The following NEK5 variants were observed in gnomAD, a reference collection of about 807,000 sequenced individuals.
The protein encoded by NEK5 is serine/threonine-protein kinase Nek5.
NEK5 carries 88 observed loss-of-function variants against 109.2 expected under a neutral mutation model. The observed-to-expected ratio is 0.81, with a 90% CI of 0.68 to 0.96. NEK5 has a LOEUF of 0.96. NEK5 is among the 40% of genes least tolerant of loss of function. The pLI is 0.00. For synonymous variants in NEK5, 283 were observed against 299.9 expected (o/e 0.94, Z 0.58); for missense variants, 834 against 920.7 (o/e 0.91, Z 1.22).
At chr13:52,110,705 G>A (rs2138063624) in intron 5 of NEK5, 128 bp from the exon 6 acceptor site, 1 of 538,068 alleles carries the variant, frequency 1.9e-6, no homozygotes, top group South Asian at 3.2e-5. Flanking sequence ...TAGTGTATGT[G>A]TATTTATAGG....
At position 52,075,755 on chromosome 13, in the gene NEK5, T is replaced by C. The variant is rs1473016375; in HGVS notation, c.1722+3A>G. The C allele has an allele frequency of 3.3e-6, 5 of 1,537,458 alleles. No individual in the cohort carries two copies. In the African/African-American group the frequency reaches 4.2e-5, roughly 13 times the overall value. ...TAATGGAAATTTAGACTTAATGGCA[T>C]ACCTCTTCCTCTTGGAGGATGTTTT... is the stretch of plus-strand genomic sequence containing the variant. On this transcript the variant is annotated splice_donor_region_variant and intron_variant, in intron 19 of 23. Coordinates refer to ENST00000684899, the MANE Select transcript of NEK5 (RefSeq NM_001365552.1).
intron 23 of NEK5, among the ~76,000 whole-genome samples, chr13:52,037,919 TCTC>T (rs1954377365): frequency 8.5e-6 from 1 of 118,082 alleles, no homozygotes; most frequent in Non-Finnish European, 2.0e-5. Flanking sequence ...CGAGACTCCG[TCTC>T]AAAAAAAAAA....
chr13:52,088,542 C>T lies in NEK5; in HGVS notation c.1275+705G>A, dbSNP rs528509954. On this transcript the variant is annotated intron_variant, in intron 14 of 23. Transcript: ENST00000684899. Reference sequence around the variant, plus strand: ...TGCTGGGATTACAGGCATGAGCCACCGCACCTGGCCCCTTGTCACTTTTTT... The same window carrying T: ...TGCTGGGATTACAGGCATGAGCCACTGCACCTGGCCCCTTGTCACTTTTTT... Among the ~76,000 whole-genome samples, 37 of 152,050 alleles carry T rather than the reference C, an allele frequency of 2.4e-4. 1 individual carries two copies. The South Asian group carries it at 6.9e-3, about 28-fold the overall frequency.
chr13:52,056,632 G>A (rs975153506), intron 22 of NEK5, among the ~76,000 whole-genome samples: 5 of 148,734 alleles, frequency 3.4e-5, no homozygotes, highest in East Asian at 2.0e-4. Flanking sequence ...TAGAACTCAG[G>A]ATTAAGAATC....
intron 20 of NEK5, among the ~76,000 whole-genome samples, chr13:52,066,672 C>T (rs999220654): frequency 2.0e-5 from 3 of 151,800 alleles, no homozygotes; most frequent in African/African-American, 2.4e-5. Context: ...GGCGTGGTAG[C>T]GGGTGCCTGT....
At position 52,086,295 on chromosome 13, in the gene NEK5, CTTCT is replaced by C; in HGVS notation, c.1457_1460del (p.Lys486ArgfsTer12). On this transcript the variant is annotated frameshift_variant, in exon 16 of 24. Transcript: ENST00000684899. LOFTEE classifies it high-confidence loss of function. Reference sequence around the variant, plus strand: ...AATTTACCTCTGGTTCTCTCCCCATCTTCTTTCTAATTTCTTTCATGTCATTGTG... The same window carrying C: ...AATTTACCTCTGGTTCTCTCCCCATCTTCTAATTTCTTTCATGTCATTGTG... The C allele has an allele frequency of 3.1e-6, 5 of 1,607,000 alleles. No homozygotes were observed. The highest frequency in any genetic ancestry group is 4.3e-6 in the Non-Finnish European group (5 of 1,173,526).
At chr13:52,106,179 CA>C (rs5803596) in intron 8 of NEK5, among the ~76,000 whole-genome samples, 61,403 of 144,236 alleles carry the variant, frequency 0.43, 14,276 homozygotes, top group Middle Eastern at 0.54. Context: ...GGGGATGTCT[CA>C]AAAAAAAAAA....
chr13:52,080,227 G>GC (rs1380639347), intron 17 of NEK5, among the ~76,000 whole-genome samples: 1 of 135,550 alleles, frequency 7.4e-6, no homozygotes, highest in Non-Finnish European at 1.7e-5. Context: ...GGGGGGGTCA[G>GC]CCCCCCGCCC....
intron 19 of NEK5, among the ~76,000 whole-genome samples, chr13:52,072,543 T>C (rs1954801344): frequency 6.6e-6 from 1 of 152,170 alleles, no homozygotes. Context: ...CATTCTTTCA[T>C]TTCAGCAGGG....
chr13:52,039,831 G>A (rs577229237), intron 23 of NEK5, among the ~76,000 whole-genome samples: 1 of 151,854 alleles, frequency 6.6e-6, no homozygotes, highest in South Asian at 2.1e-4. Flanking sequence ...TTTTGCTATG[G>A]TCTGAATGTT....
At chr13:52,102,333 T>C in intron 9 of NEK5, 41 bp from the exon 10 acceptor site, 1 of 1,445,854 alleles carries the variant, frequency 6.9e-7, no homozygotes, top group Non-Finnish European at 9.7e-7. Flanking sequence ...CAGAGAAAAG[T>C]TACTAAAGTA....
At chr13:52,059,938 AAAACTT>A (rs1954596852) in intron 22 of NEK5, among the ~76,000 whole-genome samples, 1 of 152,134 alleles carries the variant, frequency 6.6e-6, no homozygotes, top group African/African-American at 2.4e-5. Context: ...CATGTACCCT[AAAACTT>A]AAAGTATAAT....
At chr13:52,125,307 T>C (rs1374632735) in intron 3 of NEK5, among the ~76,000 whole-genome samples, 2 of 152,360 alleles carry the variant, frequency 1.3e-5, no homozygotes, top group African/African-American at 4.8e-5. Flanking sequence ...CTCATGCCTG[T>C]AATCCCAGCA....
rs1198292884 is a variant in NEK5 at position 52,034,465 on chromosome 13, C to CATCTTTTA, written c.*2475_*2482dup. On this transcript the variant is annotated 3_prime_UTR_variant, in exon 24 of 24. Coordinates refer to ENST00000684899, the MANE Select transcript of NEK5 (RefSeq NM_001365552.1). ...TAAAATAGACTAGACTTTAGCCAAG[C>CATCTTTTA]ATCTTTTATCATGGGAACAAACCCG... 1 of 149,774 alleles carries CATCTTTTA rather than the reference C, an allele frequency of 6.7e-6. No individual in the cohort carries two copies. Among genetic ancestry groups the CATCTTTTA allele is most frequent in the African/African-American group, 2.5e-5 (1 of 40,586 alleles). The allele number at this position is 149,774 out of a possible 1,614,324, so 9.3% of individuals were successfully genotyped here.
chr13:52,104,917 T>C (rs1049628355), intron 8 of NEK5, among the ~76,000 whole-genome samples: 1 of 152,212 alleles, frequency 6.6e-6, no homozygotes, highest in African/African-American at 2.4e-5. Flanking sequence ...TAATATTTGG[T>C]TGATTTTGAA....
rs371109748 is a variant in NEK5 at position 52,046,513 on chromosome 13, A to G, written c.2228+3591T>C. Among the ~76,000 whole-genome samples, 29 of 151,218 alleles carry G rather than the reference A, an allele frequency of 1.9e-4. No homozygotes were observed. In the South Asian group the frequency reaches 3.7e-3, roughly 20 times the overall value. ...AAAAAAAAAGAAGAAGAAGAAGAAG[A>G]AAGAGTTTAAGACCAGTCTGGGCAA... On this transcript the variant is annotated intron_variant, in intron 23 of 23. Transcript: ENST00000684899.
Position 52,087,462 on chromosome 13 carries a change from T to A in NEK5, c.1276-8A>T, listed in dbSNP as rs775210872. ...AGAAGATGGACGAAGACCCTATTTA[T>A]TGAATGAAATAATTTATAATGCATA... On this transcript the variant is annotated splice_region_variant and splice_polypyrimidine_tract_variant and intron_variant, in intron 14 of 23. Coordinates refer to ENST00000684899, the MANE Select transcript of NEK5 (RefSeq NM_001365552.1). 7.1e-7 allele frequency: 1 copy of A among 1,414,150 alleles called. No individual in the cohort carries two copies. The highest frequency in any genetic ancestry group is 1.8e-5 in the Admixed American group (1 of 56,168). 87.6% of individuals were successfully genotyped at this position (1,414,150 alleles called of 1,614,324 possible).
intron 23 of NEK5, among the ~76,000 whole-genome samples, chr13:52,045,388 C>G (rs906621594): frequency 6.6e-6 from 1 of 150,538 alleles, no homozygotes; most frequent in Non-Finnish European, 1.5e-5. Context: ...CCTCGGCCTC[C>G]CAAAGTGCTG....
chr13:52,072,126 A>C, intron 19 of NEK5, 56 bp from the exon 20 acceptor site: 2 of 1,465,170 alleles, frequency 1.4e-6, no homozygotes, highest in Non-Finnish European at 9.4e-7. Context: ...AAAGAAAGAA[A>C]AACCATATTT....
Sources: allele counts gnomAD v4.1 joint callset (sites outside exome capture counted in the v4.1 genomes callset), GRCh38; gene constraint gnomAD v4.1.1; transcripts MANE v1.5; gene names NCBI Gene and HGNC (gene_info 2026-07-23, HGNC 2026-07-21).